The following ENOSF1 variants were observed in gnomAD, a reference collection of about 807,000 sequenced individuals.
ENOSF1 encodes the protein enolase superfamily member 1.
A neutral mutation model predicts 68.2 loss-of-function variants in ENOSF1; 73 were observed. That is an observed-to-expected ratio of 1.07 (90% CI 0.89 to 1.30). The LOEUF (loss-of-function observed/expected upper bound fraction) is 1.30, where lower values mean the gene tolerates loss of function less well. ENOSF1 is among the 50% of genes most tolerant of loss of function. The pLI is 0.00. For synonymous variants in ENOSF1, 223 were observed against 210.4 expected, an observed-to-expected ratio of 1.06 and a Z score of -0.52; for missense variants, 589 against 554.5, an observed-to-expected ratio of 1.06 and a Z score of -0.62.
chr18:668,143 GTGTA>G (rs1210694300), downstream of ENOSF1, among the ~76,000 whole-genome samples: 1 of 151,966 alleles, frequency 6.6e-6, no homozygotes, highest in Admixed American at 6.6e-5. Context: ...ACGTGCACTT[GTGTA>G]TGTGTGTATT....
chr18:676,574 T>C (rs2075545932), intron 14 of ENOSF1, among the ~76,000 whole-genome samples: 1 of 152,230 alleles, frequency 6.6e-6, no homozygotes, highest in African/African-American at 2.4e-5. Context: ...CCGTGCAGCC[T>C]GCAGAACTGT....
intron 2 of ENOSF1, among the ~76,000 whole-genome samples, chr18:698,279 GTGTT>G: frequency 6.6e-6 from 1 of 152,324 alleles, no homozygotes; most frequent in Middle Eastern, 3.4e-3. Flanking sequence ...ACTTTGTAAA[GTGTT>G]TGAACAATCA....
chr18:684,621 T>C (rs929749585), intron 10 of ENOSF1, among the ~76,000 whole-genome samples: 2 of 152,166 alleles, frequency 1.3e-5, no homozygotes, highest in African/African-American at 4.8e-5. Flanking sequence ...GTAACTTGCT[T>C]AAGAACAATA....
At position 674,010 on chromosome 18, in the gene ENOSF1, A is replaced by T. The variant is rs1031582437; in HGVS notation, c.*295T>A. On this transcript the variant is annotated 3_prime_UTR_variant, in exon 16 of 16. Coordinates refer to ENST00000647584, the MANE Select transcript of ENOSF1 (RefSeq NM_017512.7). ...TTATGCAACATGTTGCTTATTTTCA[A>T]ATTACAGTTTAATGTCTAGGTGCCA... 2 of 226,616 alleles carry T rather than the reference A, an allele frequency of 8.8e-6. No homozygotes were observed. The highest frequency in any genetic ancestry group is 1.7e-5 in the Non-Finnish European group (2 of 117,192). 14.0% of individuals were successfully genotyped at this position (226,616 alleles called of 1,614,324 possible). A position where few individuals can be genotyped will look rare whatever the true frequency, so the allele number is the denominator to read the frequency against.
downstream of ENOSF1, among the ~76,000 whole-genome samples, chr18:666,144 G>A (rs1229784610): frequency 9.9e-6 from 1 of 100,722 alleles, no homozygotes; most frequent in African/African-American, 6.3e-5. Context: ...TAATGTGTGG[G>A]AGTCTAAGTC....
At chr18:688,630 TCA>T in intron 8 of ENOSF1, 22 bp from the exon 9 acceptor site, 2 of 1,610,524 alleles carry the variant, frequency 1.2e-6, no homozygotes, top group Admixed American at 1.7e-5. Context: ...GAGCACAGGG[TCA>T]CACACTGGAG....
intron 5 of ENOSF1, 134 bp downstream of exon 5, chr18:693,748 T>A: frequency 6.8e-7 from 1 of 1,467,390 alleles, no homozygotes; most frequent in Non-Finnish European, 9.0e-7. Flanking sequence ...CATATTTTAT[T>A]GGCTTTTTGC....
At chr18:680,680 T>G (rs1306464676) in intron 11 of ENOSF1, among the ~76,000 whole-genome samples, 1 of 142,766 alleles carries the variant, frequency 7.0e-6, no homozygotes, top group African/African-American at 2.7e-5. Flanking sequence ...TGTTGTGTTT[T>G]TTTTTTTTTT....
the ENOSF1 span, among the ~76,000 whole-genome samples, chr18:663,418 T>C: frequency 0.076 from 4,978 of 65,426 alleles, 537 homozygotes; most frequent in African/African-American, 0.17. Context: ...GGATATTAGC[T>C]CTTTGTCAGA....
chr18:679,660 C>G (rs2741184), intron 11 of ENOSF1, among the ~76,000 whole-genome samples: 40,178 of 151,828 alleles, frequency 0.26, 5,855 homozygotes, highest in African/African-American at 0.36. Context: ...AGAGTCCTCA[C>G]CTGGTGAGGT....
chr18:684,199 G>A (rs1245584929), intron 10 of ENOSF1, among the ~76,000 whole-genome samples: 5 of 151,804 alleles, frequency 3.3e-5, no homozygotes, highest in South Asian at 2.1e-4. Context: ...GTTTCACCAT[G>A]TTAGCCAGGA....
intron 2 of ENOSF1, among the ~76,000 whole-genome samples, chr18:702,962 A>G (rs997676364): frequency 6.6e-6 from 1 of 152,154 alleles, no homozygotes; most frequent in African/African-American, 2.4e-5. Context: ...ATGATTAGGT[A>G]AGTAAGCAGA....
rs761758093 is a variant in ENOSF1, at chr18:685,926, T to C, written c.736A>G (p.Thr246Ala). The change falls in exon 10 of 16, where the codon ACT becomes GCT. Residue 246 changes from threonine (T) to alanine (A), a missense_variant. Coordinates refer to ENST00000647584, the MANE Select transcript of ENOSF1 (RefSeq NM_017512.7). The part of the protein sequence containing the change: ...IIRDMIGPEK[T>A]LMMDANQRWD... ...TGGTGTGAGAGGATATTTACCAAAGTCTTTTCCGGTCCAATCATGTCTCGG... is the reference window on the plus strand; with the variant it reads ...TGGTGTGAGAGGATATTTACCAAAGCCTTTTCCGGTCCAATCATGTCTCGG... 1.5e-5 allele frequency: 25 copies of C among 1,613,310 alleles called. No individual in the cohort carries two copies. Among genetic ancestry groups the C allele is most frequent in the Middle Eastern group, 1.6e-4 (1 of 6,062 alleles).
chr18:700,376 CA>C (rs890138382), intron 2 of ENOSF1, among the ~76,000 whole-genome samples: 1 of 152,118 alleles, frequency 6.6e-6, no homozygotes, highest in African/African-American at 2.4e-5. Flanking sequence ...TTATCGACAC[CA>C]AACCACCGTC....
At chr18:692,766 C>A in intron 5 of ENOSF1, 1 of 998,630 alleles carries the variant, frequency 1.0e-6, no homozygotes, top group Non-Finnish European at 1.2e-6. Flanking sequence ...CGTAAAACGC[C>A]AACCTTGAAT....
At chr18:678,311 G>A in intron 12 of ENOSF1, 1 of 318,196 alleles carries the variant, frequency 3.1e-6, no homozygotes, top group Non-Finnish European at 5.8e-6. Context: ...TGGGCTGACT[G>A]CAGCAGGTTT....
chr18:705,512 T>C (rs188849297), intron 2 of ENOSF1, among the ~76,000 whole-genome samples: 9 of 152,270 alleles, frequency 5.9e-5, no homozygotes, highest in Admixed American at 5.9e-4. Flanking sequence ...CCATTTGAGA[T>C]CACATCCAGC....
rs1367890117 is a variant in ENOSF1, at chr18:670,629, T to C, written c.*3676A>G. 6 of 1,568,800 alleles carry C rather than the reference T, an allele frequency of 3.8e-6. No individual in the cohort carries two copies. The highest frequency in any genetic ancestry group is 4.5e-5 in the East Asian group (2 of 44,538). Reference sequence around the variant, plus strand: ...GCTTCTGTTTCTCTCCTGTTTTACTTTGCCTTTAGCTGTGGTCTTTCAAAC... The same window carrying C: ...GCTTCTGTTTCTCTCCTGTTTTACTCTGCCTTTAGCTGTGGTCTTTCAAAC... On this transcript the variant is annotated 3_prime_UTR_variant, in exon 16 of 16. Transcript: ENST00000647584.
intron 11 of ENOSF1, chr18:682,925 A>AAC (rs1555650488): frequency 5.9e-4 from 135 of 227,848 alleles, no homozygotes; most frequent in Middle Eastern, 1.4e-3. Flanking sequence ...CAAAAAACAA[A>AAC]AAAAAAAAAT....
Sources: gnomAD v4.1 joint callset for allele counts (sites outside exome capture counted in the v4.1 genomes callset) on GRCh38, gnomAD v4.1.1 for gene constraint, MANE v1.5 for transcripts, NCBI Gene and HGNC (gene_info 2026-07-23, HGNC 2026-07-21) for gene names.